The following NEXMIF variants were observed in gnomAD, a reference collection of about 807,000 sequenced individuals.
NEXMIF encodes neurite extension and migration factor, also known as XLMR protein related to neurite extension.
In NEXMIF, 8 loss-of-function variants were observed where a neutral mutation model predicts 62.1. That is an observed-to-expected ratio of 0.13 (90% confidence interval 0.08 to 0.23). NEXMIF has a LOEUF of 0.23. Among genes scored for constraint, NEXMIF ranks in the 10% least tolerant of loss-of-function variants. The pLI is 1.00. For missense variants in NEXMIF, 976 were observed against 1,113.3 expected (o/e 0.88, Z 1.75); for synonymous variants, 404 against 416.6 (o/e 0.97, Z 0.37).
chrX:74,733,504 C>T lies in NEXMIF; in HGVS notation c.*5901G>A, dbSNP rs969910925. On this transcript the variant is annotated 3_prime_UTR_variant, in exon 4 of 4. Coordinates refer to ENST00000055682, the MANE Select transcript of NEXMIF (RefSeq NM_001008537.3). ...AAACACTGCTCTAGATGATAAAGAACGTTTTATTTGGGACATAGATTTAAT... is the reference window on the plus strand; with the variant it reads ...AAACACTGCTCTAGATGATAAAGAATGTTTTATTTGGGACATAGATTTAAT... 1.8e-5 allele frequency: 2 copies of T among 111,936 alleles called. No homozygotes were observed. Among genetic ancestry groups the T allele is most frequent in the Non-Finnish European group, 3.8e-5 (2 of 53,163 alleles). 9.2% of individuals were successfully genotyped at this position (111,936 alleles called of 1,213,427 possible). A position where few individuals can be genotyped will look rare whatever the true frequency, so the allele number is the denominator to read the frequency against.
chrX:74,762,324 T>C (rs2080179294), intron 1 of NEXMIF, among the ~76,000 whole-genome samples: 1 of 111,562 alleles, frequency 9.0e-6, no homozygotes, highest in South Asian at 3.8e-4. Flanking sequence ...TAGTATTCCA[T>C]GGTGTATATG....
chrX:74,739,624 T>G, intron 3 of NEXMIF, 126 bp from the exon 4 acceptor site: 1 of 441,228 alleles, frequency 2.3e-6, no homozygotes, highest in Admixed American at 4.7e-5. Context: ...AAGATACAAA[T>G]AGCATGGGGC....
At chrX:74,769,513 G>A (rs1234921298) in intron 1 of NEXMIF, 2 of 350,042 alleles carry the variant, frequency 5.7e-6, no homozygotes, top group African/African-American at 2.7e-5. Context: ...AGAAATAAAG[G>A]CAAAGAGTCC....
intron 1 of NEXMIF, among the ~76,000 whole-genome samples, chrX:74,907,390 A>G (rs1225190965): frequency 3.2e-5 from 3 of 92,787 alleles, no homozygotes; most frequent in Admixed American, 2.7e-4. Context: ...AGGGCAAGCT[A>G]AGGGAAGGGA....
At chrX:74,843,081 C>G (rs904757179) in intron 1 of NEXMIF, among the ~76,000 whole-genome samples, 2 of 111,712 alleles carry the variant, frequency 1.8e-5, no homozygotes, top group Non-Finnish European at 3.8e-5. Flanking sequence ...GTGTTGAAGT[C>G]TCCCACTATT....
chrX:74,842,002 T>C lies in NEXMIF; in HGVS notation c.-48+82881A>G, dbSNP rs912772846. Reference sequence around the variant, plus strand: ...GATGATGCTGGCCTCACAGGATGAGTTGGGGAGGAGATCTTCCTCCTCAAC... The same window carrying C: ...GATGATGCTGGCCTCACAGGATGAGCTGGGGAGGAGATCTTCCTCCTCAAC... On this transcript the variant is annotated intron_variant, in intron 1 of 3. Coordinates refer to ENST00000055682, the MANE Select transcript of NEXMIF (RefSeq NM_001008537.3). 8.1e-5 allele frequency among the ~76,000 whole-genome samples: 9 copies of C among 111,383 alleles called. No individual in the cohort carries two copies. In the Admixed American group the frequency reaches 8.6e-4, roughly 11 times the overall value.
Position 74,744,049 on chromosome X carries a change from G to A in NEXMIF, c.508C>T (p.Leu170=), listed in dbSNP as rs759577810. The A allele has an allele frequency of 1.7e-6, 2 of 1,209,105 alleles. No individual in the cohort carries two copies. The highest frequency in any genetic ancestry group is 3.5e-5 in the African/African-American group (2 of 57,003). Residue 170 remains leucine (L), a synonymous_variant, in exon 3 of 4, where the codon CTA becomes TTA. Coordinates refer to ENST00000055682, the MANE Select transcript of NEXMIF (RefSeq NM_001008537.3). ...EPGISLKVGD[L]NRDYETCAVS... is the part of the protein sequence containing the mutation. The stretch of plus-strand genomic sequence containing the variant: ...GCACACGTTTCATAATCCCTATTTA[G>A]ATCACCAACTTTCAGACTGATCCCT...
intron 1 of NEXMIF, among the ~76,000 whole-genome samples, chrX:74,762,098 T>C (rs2080178363): frequency 9.2e-6 from 1 of 109,034 alleles, no homozygotes; most frequent in Non-Finnish European, 1.9e-5. Context: ...GTATATCTCC[T>C]AATGCTATCC....
chrX:74,793,366 C>T (rs1190039177), intron 1 of NEXMIF, among the ~76,000 whole-genome samples: 1 of 108,378 alleles, frequency 9.2e-6, no homozygotes, highest in Admixed American at 9.8e-5. Context: ...GATGGGCTTC[C>T]CTTTGAGGGT....
chrX:74,791,371 C>T (rs1267984575), intron 1 of NEXMIF, among the ~76,000 whole-genome samples: 7 of 111,330 alleles, frequency 6.3e-5, no homozygotes, highest in African/African-American at 9.8e-5. Context: ...CTGCTGGATT[C>T]GGTTTGCCAG....
chrX:74,792,154 C>G (rs1273202746), intron 1 of NEXMIF, among the ~76,000 whole-genome samples: 1 of 110,632 alleles, frequency 9.0e-6, no homozygotes, highest in African/African-American at 3.3e-5. Context: ...GAATGCGTCC[C>G]AGAGATTCTG....
chrX:74,919,786 C>G (rs2080820236), intron 1 of NEXMIF, among the ~76,000 whole-genome samples: 1 of 110,802 alleles, frequency 9.0e-6, no homozygotes, highest in Non-Finnish European at 1.9e-5. Context: ...TCCCCCAACC[C>G]CACAACAGTC....
At chrX:74,758,236 TA>T (rs1380014007) in intron 1 of NEXMIF, among the ~76,000 whole-genome samples, 11 of 110,530 alleles carry the variant, frequency 1.0e-4, no homozygotes, top group African/African-American at 3.6e-4. Flanking sequence ...TGATCTAACA[TA>T]AAAAATTAAT....
chrX:74,802,335 C>T (rs1329194975), intron 1 of NEXMIF, among the ~76,000 whole-genome samples: 1 of 111,328 alleles, frequency 9.0e-6, no homozygotes, highest in East Asian at 2.8e-4. Context: ...TGTCAGTCTA[C>T]CCCCAGCTCC....
intron 1 of NEXMIF, among the ~76,000 whole-genome samples, chrX:74,831,192 T>G (rs1410739897): frequency 9.0e-6 from 1 of 111,341 alleles, no homozygotes; most frequent in Non-Finnish European, 1.9e-5. Flanking sequence ...TAATGAACAT[T>G]TTTTAAAATT....
At chrX:74,913,303 T>G (rs963650036) in intron 1 of NEXMIF, among the ~76,000 whole-genome samples, 1 of 111,652 alleles carries the variant, frequency 9.0e-6, no homozygotes, top group African/African-American at 3.3e-5. Context: ...ATGAAGAAGA[T>G]GGAGAAAAGA....
chrX:74,826,279 T>C (rs2080416902), intron 1 of NEXMIF, among the ~76,000 whole-genome samples: 1 of 112,446 alleles, frequency 8.9e-6, no homozygotes, highest in Admixed American at 9.4e-5. Flanking sequence ...TATTGAGCTT[T>C]TTTTCATATG....
At chrX:74,796,170 A>G (rs1274411746) in intron 1 of NEXMIF, among the ~76,000 whole-genome samples, 20 of 73,979 alleles carry the variant, frequency 2.7e-4, no homozygotes, top group African/African-American at 3.8e-4. Context: ...TATTATATAT[A>G]TTATATATAT....
At chrX:74,813,766 T>C (rs759514609) in intron 1 of NEXMIF, among the ~76,000 whole-genome samples, 1 of 112,267 alleles carries the variant, frequency 8.9e-6, no homozygotes, top group Non-Finnish European at 1.9e-5. Context: ...AGTGGTTTTA[T>C]TGAACACATG....
Sources: gnomAD v4.1 joint callset for allele counts (sites outside exome capture counted in the v4.1 genomes callset) on GRCh38, gnomAD v4.1.1 for gene constraint, MANE v1.5 for transcripts, NCBI Gene and HGNC (gene_info 2026-07-23, HGNC 2026-07-21) for gene names.